TMEM132B: variants seen among roughly 807,000 people sequenced by gnomAD.
TMEM132B encodes transmembrane protein 132B.
TMEM132B carries 18 observed loss-of-function variants against 90.8 expected under a neutral mutation model. That is an observed-to-expected ratio of 0.20 (90% CI 0.14 to 0.29). The LOEUF is 0.29. Ranked by LOEUF, TMEM132B falls within the 10% of genes least tolerant of loss-of-function variation. The pLI is 1.00. For synonymous variants in TMEM132B, 504 were observed against 523.3 expected, an observed-to-expected ratio of 0.96 and a Z score of 0.50; for missense variants, 1,096 against 1,326.8, an observed-to-expected ratio of 0.83 and a Z score of 2.70.
chr12:125,590,580 C>T (rs1885293175), intron 5 of TMEM132B, among the ~76,000 whole-genome samples: 2 of 152,164 alleles, frequency 1.3e-5, no homozygotes, highest in Non-Finnish European at 1.5e-5. Flanking sequence ...CTATCCAAAT[C>T]GTCTTTTGTT....
At position 125,654,340 on chromosome 12, in the gene TMEM132B, A is replaced by G. The variant is rs1300232962; in HGVS notation, c.2882A>G (p.Glu961Gly). Residue 961 changes from glutamate (E) to glycine (G), a missense_variant, in exon 9 of 9, where the codon GAG becomes GGG. Coordinates refer to ENST00000682704, the MANE Select transcript of TMEM132B (RefSeq NM_001366854.1). This position sits in a 1 kb window ranked among gnomAD's most constrained non-coding sequence, Gnocchi z 5.8. ...CTTGGGAATGAAGTGGAACTTTTGG[A>G]GAACCCTGTTGACATTACACTCCCA... ...VWLGNEVELL[E>G]NPVDITLPSE... 1 of 1,612,916 alleles carries G rather than the reference A, an allele frequency of 6.2e-7. No homozygotes were observed. The highest frequency in any genetic ancestry group is 1.7e-5 in the Admixed American group (1 of 60,028).
intron 3 of TMEM132B, among the ~76,000 whole-genome samples, chr12:125,483,011 C>T (rs936458304): frequency 3.1e-4 from 47 of 151,366 alleles, no homozygotes; most frequent in Admixed American, 9.2e-4. Flanking sequence ...AACCAAACAC[C>T]GCATGTTCTC....
chr12:125,432,583 T>C (rs1329688512), intron 3 of TMEM132B, among the ~76,000 whole-genome samples: 1 of 136,880 alleles, frequency 7.3e-6, no homozygotes, highest in Non-Finnish European at 1.6e-5. Context: ...AGTGTTAGAA[T>C]GTGGCCTGCA....
intron 5 of TMEM132B, among the ~76,000 whole-genome samples, chr12:125,625,797 C>G (rs990633362): frequency 5.9e-5 from 9 of 152,294 alleles, no homozygotes; most frequent in African/African-American, 2.2e-4. Context: ...GTTGCTGTTC[C>G]ACACTCTCAA....
intron 4 of TMEM132B, among the ~76,000 whole-genome samples, chr12:125,526,340 C>A (rs2136678873): frequency 1.3e-5 from 2 of 152,360 alleles, no homozygotes; most frequent in Middle Eastern, 6.8e-3. Flanking sequence ...GGGATGCCAT[C>A]CACTGTGCCA....
chr12:125,444,202 A>G (rs1880945589), intron 3 of TMEM132B, among the ~76,000 whole-genome samples: 1 of 152,230 alleles, frequency 6.6e-6, no homozygotes, highest in African/African-American at 2.4e-5. Flanking sequence ...AACATTCTTT[A>G]TGTTACTTTG....
chr12:125,590,840 G>A (rs893243505), intron 5 of TMEM132B, among the ~76,000 whole-genome samples: 10 of 152,140 alleles, frequency 6.6e-5, no homozygotes, highest in Admixed American at 1.3e-4. Flanking sequence ...ACTACTATTC[G>A]AAGTTTATAC....
At chr12:125,200,537 C>T (rs529001969) in intron 1 of TMEM132B, among the ~76,000 whole-genome samples, 3 of 152,158 alleles carry the variant, frequency 2.0e-5, no homozygotes, top group Non-Finnish European at 4.4e-5. Flanking sequence ...TCCTCTGCCT[C>T]ATGAGATGGG....
At chr12:125,637,585 AC>A (rs2137011271) in intron 5 of TMEM132B, among the ~76,000 whole-genome samples, 1 of 152,270 alleles carries the variant, frequency 6.6e-6, no homozygotes, top group East Asian at 1.9e-4. Flanking sequence ...TGGGGGGACA[AC>A]TTGAAGCGGG....
intron 3 of TMEM132B, among the ~76,000 whole-genome samples, chr12:125,502,216 T>C (rs778142465): frequency 2.6e-5 from 4 of 152,228 alleles, no homozygotes; most frequent in Non-Finnish European, 5.9e-5. Context: ...CACTACTTTA[T>C]CTAAATGATC....
chr12:125,532,577 C>T (rs555206505), intron 4 of TMEM132B, among the ~76,000 whole-genome samples: 13 of 151,088 alleles, frequency 8.6e-5, no homozygotes, highest in African/African-American at 2.4e-4. Flanking sequence ...TGCAGTGGTG[C>T]GATCTTGGCT....
chr12:125,372,481 ATGCCCT>A (rs1878326662), intron 2 of TMEM132B, among the ~76,000 whole-genome samples: 1 of 152,174 alleles, frequency 6.6e-6, no homozygotes, highest in Non-Finnish European at 1.5e-5. Context: ...TCCAGTTCTT[ATGCCCT>A]ATTGGGTTTA....
Position 125,481,701 on chromosome 12 carries a change from C to T in TMEM132B, c.1107-37738C>T, listed in dbSNP as rs569368796. ...CCCAAGGTAATTTATAGATTCAGTG[C>T]CATCCCCATCAAGCTACCAATGACT... On this transcript the variant is annotated intron_variant, in intron 3 of 8. Coordinates refer to ENST00000682704, the MANE Select transcript of TMEM132B (RefSeq NM_001366854.1). Among the ~76,000 whole-genome samples the T allele has an allele frequency of 1.6e-3, 239 of 152,184 alleles. 1 individual carries two copies. Among genetic ancestry groups the T allele is most frequent in the Non-Finnish European group, 2.9e-3 (195 of 68,010 alleles).
chr12:125,361,563 C>T (rs1877958978), intron 2 of TMEM132B, among the ~76,000 whole-genome samples: 1 of 152,186 alleles, frequency 6.6e-6, no homozygotes, highest in East Asian at 1.9e-4. Context: ...GACACAGATG[C>T]TCTGAAATCT....
intron 3 of TMEM132B, among the ~76,000 whole-genome samples, chr12:125,482,916 TA>T (rs1330969423): frequency 6.6e-6 from 1 of 151,982 alleles, no homozygotes; most frequent in African/African-American, 2.4e-5. Context: ...TATGCAGCCA[TA>T]AAAAAGGATG....
chr12:125,567,795 T>TCC (rs947345239), intron 4 of TMEM132B, among the ~76,000 whole-genome samples: 5 of 151,892 alleles, frequency 3.3e-5, no homozygotes, highest in Non-Finnish European at 7.4e-5. Flanking sequence ...CTTTTTTTTT[T>TCC]CCCCCAGGCA....
At chr12:125,325,685 G>T (rs1876543790) in intron 1 of TMEM132B, among the ~76,000 whole-genome samples, 1 of 119,886 alleles carries the variant, frequency 8.3e-6, no homozygotes, top group South Asian at 2.9e-4. Flanking sequence ...GTGTGTGTGT[G>T]TGTGTGTGTG....
intron 2 of TMEM132B, among the ~76,000 whole-genome samples, chr12:125,356,404 G>T (rs1253248997): frequency 1.3e-5 from 2 of 152,160 alleles, no homozygotes; most frequent in African/African-American, 4.8e-5. Context: ...TCAACTTTGT[G>T]GTCAGGTCAG....
chr12:125,635,493 A>G (rs1886459702), intron 5 of TMEM132B, among the ~76,000 whole-genome samples: 1 of 152,194 alleles, frequency 6.6e-6, no homozygotes, highest in Non-Finnish European at 1.5e-5. Context: ...ATGCCTTCAT[A>G]GTATTCCATG....
Sources: gnomAD v4.1 joint callset for allele counts (sites outside exome capture counted in the v4.1 genomes callset) on GRCh38, gnomAD v4.1.1 for gene constraint, Gnocchi (gnomAD v3.1) non-coding constraint, MANE v1.5 for transcripts, NCBI Gene and HGNC (gene_info 2026-07-23, HGNC 2026-07-21) for gene names.